Variants in CHRM5 observed in about 807,000 individuals in gnomAD.
CHRM5 encodes cholinergic receptor muscarinic 5.
CHRM5 carries 18 observed loss-of-function variants against 39.0 expected under a neutral mutation model. That is an observed-to-expected ratio of 0.46 (90% CI 0.32 to 0.68). CHRM5 has a LOEUF of 0.68. CHRM5 is among the 30% of genes least tolerant of loss of function. CHRM5 has a pLI of 0.04. For missense variants in CHRM5, 515 were observed against 651.1 expected, an observed-to-expected ratio of 0.79 and a Z score of 2.28; for synonymous variants, 241 against 246.3, an observed-to-expected ratio of 0.98 and a Z score of 0.20.
chr15:34,039,494 G>T (rs77194636), intron 1 of CHRM5, among the ~76,000 whole-genome samples: 1,586 of 152,314 alleles, frequency 0.01, 38 homozygotes, highest in African/African-American at 0.037. Context: ...TAACTGCTGA[G>T]ATTTGAAGTG....
intron 1 of CHRM5, among the ~76,000 whole-genome samples, chr15:34,038,245 G>A (rs536765600): frequency 8.5e-5 from 13 of 152,276 alleles, no homozygotes; most frequent in African/African-American, 2.9e-4. Context: ...AAATACTAGA[G>A]TCCAGTCGTA....
At chr15:33,985,047 A>T (rs1362843678) in intron 1 of CHRM5, among the ~76,000 whole-genome samples, 1 of 152,190 alleles carries the variant, frequency 6.6e-6, no homozygotes, top group East Asian at 1.9e-4. Context: ...TCTGTATCCC[A>T]CAGCACTCTG....
intron 1 of CHRM5, among the ~76,000 whole-genome samples, chr15:33,969,613 A>AG (rs1305004505): frequency 6.6e-6 from 1 of 152,086 alleles, no homozygotes; most frequent in Non-Finnish European, 1.5e-5. Flanking sequence ...ATTGTTACTA[A>AG]GAAAAAAAAG....
intron 1 of CHRM5, among the ~76,000 whole-genome samples, chr15:34,022,486 T>A (rs1480301845): frequency 1.3e-5 from 2 of 152,108 alleles, no homozygotes. Flanking sequence ...AAAGGTGGAT[T>A]TTCTCAAAGC....
intron 1 of CHRM5, among the ~76,000 whole-genome samples, chr15:33,993,858 T>G (rs1411156229): frequency 6.6e-6 from 1 of 152,180 alleles, no homozygotes; most frequent in Non-Finnish European, 1.5e-5. Context: ...TTCCTGTGTT[T>G]GAACTTTATA....
rs562164841 is a variant in CHRM5, at chr15:33,985,431, T to C, written c.-408+16281T>C. Among the ~76,000 whole-genome samples the C allele has an allele frequency of 5.0e-3, 408 of 81,326 alleles. 3 individuals are homozygous for C. Among genetic ancestry groups the C allele is most frequent in the African/African-American group, 0.021 (396 of 19,222 alleles). 53.4% of individuals were successfully genotyped at this position (81,326 alleles called of 152,430 possible). A position where few individuals can be genotyped will look rare whatever the true frequency, so the allele number is the denominator to read the frequency against. ...TGAGTGCATGCCCTCAGCTCAGTGTTCCTTTTTCAGTAAGAGTAAGTTCCT... is the reference window on the plus strand; with the variant it reads ...TGAGTGCATGCCCTCAGCTCAGTGTCCCTTTTTCAGTAAGAGTAAGTTCCT... On this transcript the variant is annotated intron_variant, in intron 1 of 2. Coordinates refer to ENST00000383263, the MANE Select transcript of CHRM5 (RefSeq NM_012125.4).
chr15:34,006,146 C>T (rs927474083), intron 1 of CHRM5, among the ~76,000 whole-genome samples: 1 of 152,082 alleles, frequency 6.6e-6, no homozygotes, highest in African/African-American at 2.4e-5. Flanking sequence ...CCCATCTCTA[C>T]TAAAAATACA....
chr15:34,038,253 G>A (rs1276682857), intron 1 of CHRM5, among the ~76,000 whole-genome samples: 1 of 152,218 alleles, frequency 6.6e-6, no homozygotes, highest in East Asian at 1.9e-4. Flanking sequence ...GAGTCCAGTC[G>A]TAGGGGTCAT....
At chr15:34,007,934 T>C (rs926583928) in intron 1 of CHRM5, among the ~76,000 whole-genome samples, 1 of 152,208 alleles carries the variant, frequency 6.6e-6, no homozygotes, top group African/African-American at 2.4e-5. Context: ...TCTTCTCCAT[T>C]CTTATGAGGA....
Position 34,063,490 on chromosome 15 carries a change from G to C in CHRM5, c.773G>C (p.Arg258Pro). 6.2e-7 allele frequency: 1 copy of C among 1,613,756 alleles called. No individual in the cohort carries two copies. Among genetic ancestry groups the C allele is most frequent in the Non-Finnish European group, 8.5e-7 (1 of 1,180,036 alleles). Residue 258 changes from arginine (R) to proline (P), a missense_variant, in exon 3 of 3, where the codon CGA becomes CCA. By Grantham distance (103) the Arg-to-Pro change is moderately radical (BLOSUM62 -2). Coordinates refer to ENST00000383263, the MANE Select transcript of CHRM5 (RefSeq NM_012125.4). The surrounding 1 kb of genome is among the most constrained non-coding windows in gnomAD (Gnocchi z 4.1). ...ALFRSCLRCP[R>P]PTLAQRERNQ... is the part of the protein sequence containing the mutation. ...TTCAGATCCTGCTTGCGCTGTCCTC[G>C]ACCCACCCTGGCCCAGCGGGAAAGG... is the stretch of plus-strand genomic sequence containing the variant.
intron 1 of CHRM5, among the ~76,000 whole-genome samples, chr15:34,027,584 C>A (rs1380256326): frequency 6.7e-6 from 1 of 149,856 alleles, no homozygotes; most frequent in African/African-American, 2.4e-5. Context: ...ACTGTGAAAA[C>A]CAGCATCCTT....
chr15:34,019,169 A>G (rs935536024), intron 1 of CHRM5, among the ~76,000 whole-genome samples: 1 of 152,274 alleles, frequency 6.6e-6, no homozygotes, highest in African/African-American at 2.4e-5. Flanking sequence ...CAGTAAGTCC[A>G]GCTGGCTTCA....
At position 34,020,990 on chromosome 15, in the gene CHRM5, GAA is replaced by G. The variant is rs768109806; in HGVS notation, c.-407-25547_-407-25546del. On this transcript the variant is annotated intron_variant, in intron 1 of 2. Transcript: ENST00000383263. ...GAATGAATCACTGGGCCATGCATCT[GAA>G]AAGTCTTTTTCTGCATATACACTTT... Among the ~76,000 whole-genome samples the G allele has an allele frequency of 1.4e-3, 216 of 152,288 alleles. 2 individuals are homozygous for G. The highest frequency in any genetic ancestry group is 2.6e-3 in the Non-Finnish European group (178 of 68,016).
At chr15:33,971,062 T>C (rs1254719909) in intron 1 of CHRM5, among the ~76,000 whole-genome samples, 1 of 152,020 alleles carries the variant, frequency 6.6e-6, no homozygotes, top group African/African-American at 2.4e-5. Flanking sequence ...CTGTATTTTC[T>C]TCATGTAGGG....
intron 2 of CHRM5, among the ~76,000 whole-genome samples, chr15:34,047,323 C>T (rs1275647978): frequency 1.3e-5 from 2 of 152,146 alleles, no homozygotes; most frequent in Non-Finnish European, 2.9e-5. Context: ...ATGATCCGCC[C>T]GTGTCAGCCT....
intron 1 of CHRM5, among the ~76,000 whole-genome samples, chr15:34,020,094 A>G (rs2632109): frequency 0.99 from 151,014 of 152,182 alleles, 74,940 homozygotes; most frequent in Middle Eastern, 1. Context: ...GGTGGATCAC[A>G]AGGTCAGGAG....
At chr15:34,060,212 A>G (rs1900289540) in intron 2 of CHRM5, among the ~76,000 whole-genome samples, 1 of 152,178 alleles carries the variant, frequency 6.6e-6, no homozygotes, top group African/African-American at 2.4e-5. Context: ...ACACCGAGGT[A>G]TTATAGGTAT....
chr15:34,024,472 CAAAAAAAAA>C (rs10531898), intron 1 of CHRM5, among the ~76,000 whole-genome samples: 2 of 101,946 alleles, frequency 2.0e-5, no homozygotes, highest in African/African-American at 8.0e-5. Context: ...GACCCTGTCT[CAAAAAAAAA>C]AAAAAAAAAA....
At chr15:34,030,289 T>G (rs1226568759) in intron 1 of CHRM5, among the ~76,000 whole-genome samples, 2 of 152,176 alleles carry the variant, frequency 1.3e-5, no homozygotes, top group East Asian at 1.9e-4. Flanking sequence ...AAATCCACTA[T>G]GTCAATAAAA....
Sources: gnomAD v4.1 joint callset for allele counts (sites outside exome capture counted in the v4.1 genomes callset) on GRCh38, gnomAD v4.1.1 for gene constraint, Gnocchi (gnomAD v3.1) non-coding constraint, MANE v1.5 for transcripts, NCBI Gene and HGNC (gene_info 2026-07-23, HGNC 2026-07-21) for gene names.